CFAP44: variants seen among roughly 807,000 people sequenced by gnomAD.
CFAP44 encodes cilia- and flagella-associated protein 44.
CFAP44 carries 134 observed loss-of-function variants against 216.2 expected under a neutral mutation model. That is an observed-to-expected ratio of 0.62 (90% CI 0.54 to 0.72). The LOEUF (loss-of-function observed/expected upper bound fraction) is 0.72. Among genes scored for constraint, CFAP44 ranks in the 30% least tolerant of loss-of-function variants. CFAP44 has a pLI of 0.00. For missense variants in CFAP44, 2,035 were observed against 2,182.1 expected, an observed-to-expected ratio of 0.93 and a Z score of 1.34; for synonymous variants, 700 against 727.6, an observed-to-expected ratio of 0.96 and a Z score of 0.61.
intron 28 of CFAP44, among the ~76,000 whole-genome samples, chr3:113,325,747 T>G (rs572506480): frequency 6.6e-6 from 1 of 152,320 alleles, no homozygotes; most frequent in Non-Finnish European, 1.5e-5. Flanking sequence ...GGAACTAGAA[T>G]AGCTACAACA....
At chr3:113,414,262 G>C (rs958823924) in intron 6 of CFAP44, among the ~76,000 whole-genome samples, 1 of 152,166 alleles carries the variant, frequency 6.6e-6, no homozygotes, top group Non-Finnish European at 1.5e-5. Context: ...ATTTTGGGCT[G>C]AGATGATGGG....
At chr3:113,427,156 C>T (rs1934983320) in intron 3 of CFAP44, 31 bp downstream of exon 3, 1 of 1,600,126 alleles carries the variant, frequency 6.2e-7, no homozygotes, top group Non-Finnish European at 8.5e-7. Flanking sequence ...AAAACAGTGA[C>T]AATTACTGAC....
intron 28 of CFAP44, among the ~76,000 whole-genome samples, chr3:113,320,458 C>CTATATATCA (rs1288178288): frequency 1.1e-5 from 1 of 94,024 alleles, no homozygotes; most frequent in Non-Finnish European, 2.3e-5. Flanking sequence ...TATATTACAT[C>CTATATATCA]TATATATCAT....
intron 5 of CFAP44, among the ~76,000 whole-genome samples, chr3:113,418,773 T>C (rs1451269567): frequency 6.6e-6 from 1 of 152,054 alleles, no homozygotes; most frequent in East Asian, 1.9e-4. Context: ...CGGCATGATC[T>C]CAGTTCACTG....
At chr3:113,319,764 T>C (rs1950124614) in intron 28 of CFAP44, among the ~76,000 whole-genome samples, 1 of 151,932 alleles carries the variant, frequency 6.6e-6, no homozygotes, top group Admixed American at 6.6e-5. Flanking sequence ...ATACAAAAGA[T>C]TCATGAAACC....
intron 32 of CFAP44, among the ~76,000 whole-genome samples, chr3:113,297,468 T>G (rs749281594): frequency 2.6e-5 from 4 of 152,036 alleles, no homozygotes; most frequent in Non-Finnish European, 5.9e-5. Context: ...TCCCCAGAGA[T>G]CCACACGGCT....
At chr3:113,403,525 A>G (rs1934196055) in intron 9 of CFAP44, among the ~76,000 whole-genome samples, 1 of 152,252 alleles carries the variant, frequency 6.6e-6, no homozygotes, top group Non-Finnish European at 1.5e-5. Context: ...AAAATGGCCC[A>G]TTCATATGGA....
At chr3:113,422,994 C>T (rs1325222607) in intron 4 of CFAP44, among the ~76,000 whole-genome samples, 1 of 151,928 alleles carries the variant, frequency 6.6e-6, no homozygotes, top group Non-Finnish European at 1.5e-5. Context: ...TTCTCTCCAT[C>T]TCTATTTCCC....
At chr3:113,353,804 A>G (rs1434129807) in intron 22 of CFAP44, among the ~76,000 whole-genome samples, 1 of 152,166 alleles carries the variant, frequency 6.6e-6, no homozygotes, top group Non-Finnish European at 1.5e-5. Context: ...GAGAGCTCTG[A>G]AGATCTGCAG....
At chr3:113,428,279 G>A (rs946482472) in intron 2 of CFAP44, among the ~76,000 whole-genome samples, 2 of 152,210 alleles carry the variant, frequency 1.3e-5, no homozygotes, top group African/African-American at 4.8e-5. Context: ...GGGTTCCCCA[G>A]GAAAGGAGTT....
intron 18 of CFAP44, among the ~76,000 whole-genome samples, chr3:113,372,660 A>G (rs1443917371): frequency 6.6e-6 from 1 of 152,230 alleles, no homozygotes; most frequent in Admixed American, 6.5e-5. Context: ...GCAAGCCAAC[A>G]TGGCATATGT....
chr3:113,360,946 G>T, intron 21 of CFAP44: 2 of 238,672 alleles, frequency 8.4e-6, no homozygotes, highest in South Asian at 7.4e-5. Context: ...AAAGGCAGTT[G>T]AATTTGTTTT....
At chr3:113,414,118 G>C (rs998462772) in intron 6 of CFAP44, among the ~76,000 whole-genome samples, 20 of 152,092 alleles carry the variant, frequency 1.3e-4, no homozygotes, top group Non-Finnish European at 2.2e-4. Context: ...TCTCTTTGTA[G>C]TGATTGTGAA....
rs962639825 is a variant in CFAP44 at position 113,288,147 on chromosome 3, A to G, written c.*3410T>C. ...TTACAGATGAAATGCCACTTGAGAC[A>G]ATCTCGTTAAGTGGGGGGCCAGACC... is the stretch of plus-strand genomic sequence containing the variant. On this transcript the variant is annotated 3_prime_UTR_variant, in exon 35 of 35. Transcript: ENST00000393845. 3 of 152,170 alleles carry G rather than the reference A, an allele frequency of 2.0e-5. No homozygotes were observed. Among genetic ancestry groups the G allele is most frequent in the Admixed American group, 1.3e-4 (2 of 15,274 alleles). 9.4% of individuals were successfully genotyped at this position (152,170 alleles called of 1,614,324 possible).
intron 6 of CFAP44, among the ~76,000 whole-genome samples, chr3:113,415,892 G>T (rs1318817755): frequency 6.6e-6 from 1 of 152,134 alleles, no homozygotes; most frequent in Middle Eastern, 3.2e-3. Flanking sequence ...TTGATCCAGA[G>T]TTGAGTTCAA....
chr3:113,341,849 C>T lies in CFAP44; in HGVS notation c.3332G>A (p.Ser1111Asn). Residue 1111 changes from serine to asparagine, a missense_variant, in exon 24 of 35, where the codon AGT becomes AAT. Physicochemically the swap from Ser to Asn is conservative, Grantham distance 46. Coordinates refer to ENST00000393845, the MANE Select transcript of CFAP44 (RefSeq NM_001164496.2). ...AATTTGATTTTCCACGATGATTTCA[C>T]TTAGGGTTTTAGGCCGAAATTTCTT... is the stretch of plus-strand genomic sequence containing the variant. Reference protein sequence around the residue: ...KGKKFRPKTLSEIIVENQIEK... With the variant: ...KGKKFRPKTLNEIIVENQIEK... The T allele has an allele frequency of 6.5e-7, 1 of 1,533,032 alleles. No individual in the cohort carries two copies. The highest frequency in any genetic ancestry group is 1.2e-5 in the South Asian group (1 of 82,386). The allele number at this position is 1,533,032 out of a possible 1,614,324, so 95.0% of individuals were successfully genotyped here. A position where few individuals can be genotyped will look rare whatever the true frequency, so the allele number is the denominator to read the frequency against.
At chr3:113,335,903 A>G (rs192369244) in intron 24 of CFAP44, among the ~76,000 whole-genome samples, 3 of 152,332 alleles carry the variant, frequency 2.0e-5, no homozygotes, top group Admixed American at 2.0e-4. Context: ...CTATTACCAC[A>G]AACAACTAAA....
chr3:113,363,567 A>C, intron 19 of CFAP44, 35 bp from the exon 20 acceptor site: 1 of 1,540,906 alleles, frequency 6.5e-7, no homozygotes, highest in South Asian at 1.3e-5. Context: ...AGCCCTTTAA[A>C]ATTGCATAGC....
chr3:113,348,761 C>T (rs946321938), intron 22 of CFAP44, among the ~76,000 whole-genome samples: 5 of 152,136 alleles, frequency 3.3e-5, no homozygotes, highest in African/African-American at 1.2e-4. Context: ...TCCCCTTCTT[C>T]CTCTCTGATT....
Sources: allele counts gnomAD v4.1 joint callset (sites outside exome capture counted in the v4.1 genomes callset), GRCh38; gene constraint gnomAD v4.1.1; transcripts MANE v1.5; gene names NCBI Gene and HGNC (gene_info 2026-07-23, HGNC 2026-07-21).